Variants in TDRD3 observed in about 807,000 individuals in gnomAD.
TDRD3 encodes the protein tudor domain-containing protein 3.
A neutral mutation model predicts 86.7 loss-of-function variants in TDRD3; 45 were observed. That is an observed-to-expected ratio of 0.52 (90% CI 0.41 to 0.67). TDRD3 has a LOEUF of 0.67. Ranked by LOEUF, TDRD3 falls within the 30% of genes least tolerant of loss-of-function variation. TDRD3 has a pLI of 0.00. For missense variants in TDRD3, 814 were observed against 889.0 expected, an observed-to-expected ratio of 0.92 and a Z score of 1.07; for synonymous variants, 298 against 301.7, an observed-to-expected ratio of 0.99 and a Z score of 0.13.
At chr13:60,485,616 T>C (rs1210676733) in intron 6 of TDRD3, among the ~76,000 whole-genome samples, 183 bp from the exon 7 acceptor site, 1 of 152,164 alleles carries the variant, frequency 6.6e-6, no homozygotes, top group Non-Finnish European at 1.5e-5. Flanking sequence ...GTTACGTTTA[T>C]TGAAAAGTTA....
rs1955967063 is a variant in TDRD3 at position 60,467,296 on chromosome 13, G to A, written c.412G>A (p.Gly138Arg). 6.2e-7 allele frequency: 1 copy of A among 1,613,692 alleles called. No homozygotes were observed. The highest frequency in any genetic ancestry group is 1.3e-5 in the African/African-American group (1 of 74,866). Residue 138 changes from glycine (G) to arginine (R), a missense_variant, in exon 5 of 14, where the codon GGA becomes AGA. Transcript: ENST00000377881. ...KLSGIVDIKN[G>R]FLLLNDSNTT... ...CTCAGGCATTGTTGACATAAAAAAT[G>A]GATTCCTGCTCTTGAATGACTCTAA...
At chr13:60,462,775 G>A (rs1423812522) in intron 4 of TDRD3, among the ~76,000 whole-genome samples, 1 of 152,032 alleles carries the variant, frequency 6.6e-6, no homozygotes, top group Admixed American at 6.6e-5. Flanking sequence ...ATTAATTATG[G>A]TTCTGAAGGT....
chr13:60,413,525 G>A (rs1183499604), intron 1 of TDRD3, among the ~76,000 whole-genome samples: 2 of 152,130 alleles, frequency 1.3e-5, no homozygotes, highest in Non-Finnish European at 2.9e-5. Flanking sequence ...TTGTTAGGAG[G>A]ATTAATAAGT....
At position 60,439,766 on chromosome 13, in the gene TDRD3, T is replaced by C; in HGVS notation, c.120T>C (p.Ala40=). The stretch of plus-strand genomic sequence containing the variant: ...ATGTAAATGACATCATCCTGATTGC[T>C]CTCAATGTAGGTTATATTTATTAAC... ...KVNVNDIILI[A]LNTDLRTIGK... Residue 40 remains alanine (A), a synonymous_variant, in exon 2 of 14, where the codon GCT becomes GCC. Transcript: ENST00000377881. 1.3e-6 allele frequency: 2 copies of C among 1,534,390 alleles called. No individual in the cohort carries two copies. Among genetic ancestry groups the C allele is most frequent in the Non-Finnish European group, 1.8e-6 (2 of 1,140,364 alleles).
chr13:60,534,640 T>C (rs1957659152), intron 11 of TDRD3, among the ~76,000 whole-genome samples: 1 of 151,952 alleles, frequency 6.6e-6, no homozygotes. Context: ...ATATAAGAAT[T>C]GTTGGCTGGG....
intron 12 of TDRD3, among the ~76,000 whole-genome samples, chr13:60,538,464 A>G (rs938305277): frequency 1.3e-5 from 2 of 151,676 alleles, no homozygotes; most frequent in Admixed American, 6.6e-5. Context: ...GTTAACACAC[A>G]TGAGATGCAC....
intron 12 of TDRD3, among the ~76,000 whole-genome samples, chr13:60,542,260 G>A (rs1486449843): frequency 2.6e-5 from 4 of 152,102 alleles, no homozygotes; most frequent in East Asian, 3.9e-4. Flanking sequence ...ATATGTAGAA[G>A]ACTTGCTAAT....
chr13:60,434,244 C>T lies in TDRD3; in HGVS notation c.42-5444C>T, dbSNP rs567058480. The stretch of plus-strand genomic sequence containing the variant: ...TAGCACTTTGGGAGGCCGAGGTGGG[C>T]GGATTGTTGGAGCTCAGGAGTTGGA... On this transcript the variant is annotated intron_variant, in intron 1 of 13. Transcript: ENST00000377881. 5.9e-5 allele frequency among the ~76,000 whole-genome samples: 9 copies of T among 151,948 alleles called. No individual in the cohort carries two copies. In the East Asian group the frequency reaches 1.4e-3, roughly 23 times the overall value.
chr13:60,439,824 A>C (rs975316747), intron 2 of TDRD3, 52 bp downstream of exon 2: 10 of 1,304,130 alleles, frequency 7.7e-6, no homozygotes, highest in East Asian at 2.6e-5. Flanking sequence ...AGCTGTATTC[A>C]TAAAAAAGTC....
At chr13:60,461,380 C>G (rs1235164580) in intron 4 of TDRD3, among the ~76,000 whole-genome samples, 1 of 152,118 alleles carries the variant, frequency 6.6e-6, no homozygotes, top group Non-Finnish European at 1.5e-5. Context: ...GAGCCATGCC[C>G]AATGGAATGG....
At chr13:60,469,744 C>A (rs948928986) in intron 5 of TDRD3, among the ~76,000 whole-genome samples, 1 of 152,078 alleles carries the variant, frequency 6.6e-6, no homozygotes, top group South Asian at 2.1e-4. Context: ...TGAAGAAGCA[C>A]TAAGCATTCA....
chr13:60,565,480 GGTTA>G (rs1184688300), intron 12 of TDRD3, among the ~76,000 whole-genome samples: 32 of 152,200 alleles, frequency 2.1e-4, no homozygotes, highest in African/African-American at 7.2e-4. Context: ...ACTTGGATCT[GGTTA>G]GTTCAGTTCG....
chr13:60,440,437 C>T (rs138827440), intron 2 of TDRD3, among the ~76,000 whole-genome samples: 55 of 152,000 alleles, frequency 3.6e-4, no homozygotes, highest in African/African-American at 1.1e-3. Flanking sequence ...AATCCAAGCA[C>T]GTTGGGAGGC....
chr13:60,440,421 G>A (rs986689433), intron 2 of TDRD3, among the ~76,000 whole-genome samples: 10 of 151,962 alleles, frequency 6.6e-5, no homozygotes, highest in Admixed American at 2.6e-4. Context: ...GGTGGCCCAC[G>A]CCTGTAATCC....
At chr13:60,397,641 G>A (rs1488310741) in intron 1 of TDRD3, among the ~76,000 whole-genome samples, 1 of 123,788 alleles carries the variant, frequency 8.1e-6, no homozygotes, top group Non-Finnish European at 1.9e-5. Flanking sequence ...CGGCGGGCCT[G>A]GGCCCCGGGC....
At chr13:60,401,875 C>A (rs749765109) in intron 1 of TDRD3, among the ~76,000 whole-genome samples, 2 of 152,186 alleles carry the variant, frequency 1.3e-5, no homozygotes, top group South Asian at 2.1e-4. Flanking sequence ...ACTAAGAAAG[C>A]CTACAGCTTA....
At chr13:60,500,068 C>T (rs561400206) in intron 8 of TDRD3, among the ~76,000 whole-genome samples, 70 of 152,304 alleles carry the variant, frequency 4.6e-4, no homozygotes, top group Non-Finnish European at 9.1e-4. Flanking sequence ...ACAGCAGAAG[C>T]CTCTAGGATT....
At chr13:60,426,805 GT>G (rs1954823111) in intron 1 of TDRD3, among the ~76,000 whole-genome samples, 1 of 152,200 alleles carries the variant, frequency 6.6e-6, no homozygotes, top group Non-Finnish European at 1.5e-5. Flanking sequence ...TATGGGGTAT[GT>G]TCTAGAAATG....
At chr13:60,488,619 G>T (rs1184571562) in intron 7 of TDRD3, among the ~76,000 whole-genome samples, 1 of 151,920 alleles carries the variant, frequency 6.6e-6, no homozygotes, top group African/African-American at 2.4e-5. Context: ...TGTTGCCCAG[G>T]GTGGAGTGCA....
Sources: gnomAD v4.1 joint callset for allele counts (sites outside exome capture counted in the v4.1 genomes callset) on GRCh38, gnomAD v4.1.1 for gene constraint, MANE v1.5 for transcripts, NCBI Gene and HGNC (gene_info 2026-07-23, HGNC 2026-07-21) for gene names.